Variants in RTN4RL1 observed in about 807,000 individuals in gnomAD.
The protein encoded by RTN4RL1 is reticulon 4 receptor like 1.
A neutral mutation model predicts 25.6 loss-of-function variants in RTN4RL1; 7 were observed. That is an observed-to-expected ratio of 0.27 (90% CI 0.16 to 0.51). The LOEUF (loss-of-function observed/expected upper bound fraction) is 0.51. RTN4RL1 is among the 20% of genes least tolerant of loss of function. The pLI, the probability that RTN4RL1 is intolerant of heterozygous loss-of-function variation, is 0.97. For synonymous variants in RTN4RL1, 297 were observed against 288.2 expected (o/e 1.03, Z -0.31); for missense variants, 500 against 615.6 (o/e 0.81, Z 1.99).
intron 1 of RTN4RL1, among the ~76,000 whole-genome samples, chr17:1,977,575 C>G (rs2066847983): frequency 6.6e-6 from 1 of 152,148 alleles, no homozygotes; most frequent in Non-Finnish European, 1.5e-5. Context: ...CCACCCGCGG[C>G]TGGGAGACCT....
intron 1 of RTN4RL1, among the ~76,000 whole-genome samples, chr17:2,007,422 G>T (rs1019277731): frequency 6.7e-6 from 1 of 149,948 alleles, no homozygotes; most frequent in Admixed American, 6.7e-5. Context: ...GTCCCGTCTG[G>T]CTGCTTGGGG....
rs1915298514 is a variant in RTN4RL1, at chr17:1,936,158, A to G, written c.*338T>C. On this transcript the variant is annotated 3_prime_UTR_variant, in exon 2 of 2. Coordinates refer to ENST00000331238, the MANE Select transcript of RTN4RL1 (RefSeq NM_178568.4). ...TCTCGGAACGATCGGGATTCCACAG[A>G]GCCCCGGTGCCGCCGTCGGGGGCAA... 9.0e-7 allele frequency: 1 copy of G among 1,116,442 alleles called. No individual in the cohort carries two copies. Among genetic ancestry groups the G allele is most frequent in the Non-Finnish European group, 1.1e-6 (1 of 912,550 alleles). The allele number at this position is 1,116,442 out of a possible 1,614,324, so 69.2% of individuals were successfully genotyped here.
chr17:1,945,026 C>T (rs899413273), intron 1 of RTN4RL1, among the ~76,000 whole-genome samples: 1 of 151,460 alleles, frequency 6.6e-6, no homozygotes, highest in Admixed American at 6.6e-5. Flanking sequence ...CCTCCCCAGC[C>T]GCAGTGGCCT....
chr17:2,005,999 G>T (rs115628474), intron 1 of RTN4RL1, among the ~76,000 whole-genome samples: 2,415 of 151,716 alleles, frequency 0.016, 64 homozygotes, highest in African/African-American at 0.056. Context: ...GGATTTCACT[G>T]GATTAGCCAG....
At chr17:1,937,951 T>G (rs902424341) in intron 1 of RTN4RL1, 143 bp from the exon 2 acceptor site, 12 of 733,400 alleles carry the variant, frequency 1.6e-5, no homozygotes, top group Non-Finnish European at 2.4e-5. Flanking sequence ...AAGGCCAGGG[T>G]CAAGGCCCAA....
At chr17:1,960,612 T>C (rs1170716825) in intron 1 of RTN4RL1, among the ~76,000 whole-genome samples, 1 of 152,216 alleles carries the variant, frequency 6.6e-6, no homozygotes, top group Non-Finnish European at 1.5e-5. Flanking sequence ...TACAATTCAC[T>C]GGCACGCAGC....
chr17:1,944,406 A>G (rs1328291431), intron 1 of RTN4RL1, among the ~76,000 whole-genome samples: 2 of 152,126 alleles, frequency 1.3e-5, no homozygotes, highest in Non-Finnish European at 2.9e-5. Context: ...CCACTCGCAT[A>G]TAATCCATCT....
chr17:1,972,244 C>T (rs1447486166), intron 1 of RTN4RL1, among the ~76,000 whole-genome samples: 2 of 150,340 alleles, frequency 1.3e-5, no homozygotes, highest in Middle Eastern at 3.5e-3. Context: ...GAGGTGAAGG[C>T]TGCAGTGAGC....
At chr17:1,982,419 T>C (rs1328900959) in intron 1 of RTN4RL1, among the ~76,000 whole-genome samples, 1 of 152,100 alleles carries the variant, frequency 6.6e-6, no homozygotes, top group Admixed American at 6.5e-5. Flanking sequence ...GAGACCATCC[T>C]GGCTAACACG....
At chr17:1,997,684 C>A (rs1047022606) in intron 1 of RTN4RL1, among the ~76,000 whole-genome samples, 10 of 152,330 alleles carry the variant, frequency 6.6e-5, no homozygotes, top group African/African-American at 2.2e-4. Context: ...TACAGGAACA[C>A]CTCGCCAGCC....
In RTN4RL1 at chr17:1,935,451, T is replaced by A. The variant is rs950900121; in HGVS notation, c.*1045A>T. On this transcript the variant is annotated 3_prime_UTR_variant, in exon 2 of 2. Transcript: ENST00000331238. ...GTGATGCTCTAAATATCTAAGAATA[T>A]TGGTCCCCCAAAGTGACTCTTGCTG... The A allele has an allele frequency of 3.6e-4, 221 of 614,664 alleles. No individual in the cohort carries two copies. The highest frequency in any genetic ancestry group is 4.3e-4 in the Non-Finnish European group (213 of 491,188). The allele number at this position is 614,664 out of a possible 1,614,324, so 38.1% of individuals were successfully genotyped here. A position where few individuals can be genotyped will look rare whatever the true frequency, so the allele number is the denominator to read the frequency against.
rs1212314947 is a variant in RTN4RL1 at position 1,935,751 on chromosome 17, A to ATATATATATATG, written c.*744_*745insCATATATATATA. ...TATATATATATATATATATATATAT[A>ATATATATATATG]TATGTAGAGTGTGAATATATATAAG... On this transcript the variant is annotated 3_prime_UTR_variant, in exon 2 of 2. Transcript: ENST00000331238. 4 of 297,008 alleles carry ATATATATATATG rather than the reference A, an allele frequency of 1.3e-5. No individual in the cohort carries two copies. The highest frequency in any genetic ancestry group is 7.6e-5 in the African/African-American group (3 of 39,540). The allele number at this position is 297,008 out of a possible 1,614,324, so 18.4% of individuals were successfully genotyped here. A position where few individuals can be genotyped will look rare whatever the true frequency, so the allele number is the denominator to read the frequency against.
intron 1 of RTN4RL1, among the ~76,000 whole-genome samples, chr17:2,003,875 A>T (rs760608160): frequency 6.6e-6 from 1 of 151,458 alleles, no homozygotes; most frequent in Non-Finnish European, 1.5e-5. Flanking sequence ...GTTCGAGACC[A>T]GCCTGGCCAA....
intron 1 of RTN4RL1, among the ~76,000 whole-genome samples, chr17:1,948,269 C>T (rs1915600255): frequency 2.6e-5 from 4 of 152,234 alleles, no homozygotes; most frequent in Admixed American, 2.0e-4. Context: ...AAGCCCAGGG[C>T]CCGTGGCCTC....
intron 1 of RTN4RL1, among the ~76,000 whole-genome samples, chr17:2,002,572 G>A (rs571088376): frequency 1.4e-4 from 21 of 150,904 alleles, no homozygotes; most frequent in East Asian, 1.2e-3. Flanking sequence ...GATTACAGGC[G>A]TGAGCCACCG....
At chr17:1,957,053 G>A (rs1915808276) in intron 1 of RTN4RL1, among the ~76,000 whole-genome samples, 1 of 152,188 alleles carries the variant, frequency 6.6e-6, no homozygotes. Flanking sequence ...AACTTTTGAT[G>A]TATTACCACA....
At chr17:1,940,826 AG>A (rs1915423659) in intron 1 of RTN4RL1, among the ~76,000 whole-genome samples, 1 of 152,098 alleles carries the variant, frequency 6.6e-6, no homozygotes, top group African/African-American at 2.4e-5. Context: ...TGCCACCCTG[AG>A]GGAGCCAGGG....
intron 1 of RTN4RL1, chr17:2,003,256 C>T (rs1037215275): frequency 4.6e-5 from 7 of 152,480 alleles, no homozygotes; most frequent in African/African-American, 1.4e-4. Context: ...ATCCTGCAGG[C>T]TGGCAGACGG....
chr17:1,985,816 CAGGGGA>C (rs2066885027), intron 1 of RTN4RL1, among the ~76,000 whole-genome samples: 1 of 152,066 alleles, frequency 6.6e-6, no homozygotes, highest in Admixed American at 6.6e-5. Context: ...ATCTCAGCCA[CAGGGGA>C]AGTGTGGAAT....
Sources: allele counts gnomAD v4.1 joint callset (sites outside exome capture counted in the v4.1 genomes callset), GRCh38; gene constraint gnomAD v4.1.1; transcripts MANE v1.5; gene names NCBI Gene and HGNC (gene_info 2026-07-23, HGNC 2026-07-21).